DAB1: variants seen among roughly 807,000 people sequenced by gnomAD.
The protein encoded by DAB1 is DAB adaptor protein 1, also known as disabled homolog 1.
A neutral mutation model predicts 64.6 loss-of-function variants in DAB1; 15 were observed. The observed-to-expected ratio is 0.23, with a 90% CI of 0.16 to 0.36. DAB1 has a LOEUF of 0.36. Among genes scored for constraint, DAB1 ranks in the 10% least tolerant of loss-of-function variants. The pLI is 1.00. For missense variants in DAB1, 596 were observed against 706.7 expected (o/e 0.84, Z 1.78); for synonymous variants, 235 against 251.9 (o/e 0.93, Z 0.64).
chr1:57,777,541 T>C (rs947369433), intron 6 of DAB1, among the ~76,000 whole-genome samples: 1 of 151,978 alleles, frequency 6.6e-6, no homozygotes. Context: ...TCTTTTCTTT[T>C]GCAGTTTTTA....
At chr1:57,000,169 G>A (rs532375674) in intron 14 of DAB1, among the ~76,000 whole-genome samples, 34 of 149,954 alleles carry the variant, frequency 2.3e-4, no homozygotes, top group Non-Finnish European at 3.8e-4. Flanking sequence ...TCAGCCTCCC[G>A]TGTAGCTGGG....
Position 57,545,469 on chromosome 1 carries a change from T to G in DAB1, n.625+104123A>C, listed in dbSNP as rs185519431. 4.6e-5 allele frequency among the ~76,000 whole-genome samples: 7 copies of G among 152,308 alleles called. No homozygotes were observed. In the East Asian group the frequency reaches 1.4e-3, roughly 29 times the overall value. ...GGCTTTCTGGTCTTAGTACTAGAAG[T>G]TCCATGTGCTGGGAACTTCCCTCAG... On this transcript the variant is annotated intron_variant and non_coding_transcript_variant, in intron 7 of 20. Transcript: ENST00000485760.
At chr1:58,517,126 G>C (rs561960769) in intron 2 of DAB1, among the ~76,000 whole-genome samples, 1 of 152,296 alleles carries the variant, frequency 6.6e-6, no homozygotes, top group East Asian at 1.9e-4. Context: ...ATTCTCACTA[G>C]TCAGACTACA....
intron 6 of DAB1, among the ~76,000 whole-genome samples, chr1:57,705,579 G>C (rs183202760): frequency 6.6e-6 from 1 of 151,824 alleles, no homozygotes; most frequent in African/African-American, 2.4e-5. Context: ...CTTTTAATAA[G>C]AATATTTGAC....
At chr1:57,189,862 A>C (rs1663963448) in intron 2 of DAB1, among the ~76,000 whole-genome samples, 3 of 148,470 alleles carry the variant, frequency 2.0e-5, no homozygotes. Flanking sequence ...AAAAAAAAAC[A>C]CAACAGAAAA....
chr1:58,147,387 G>C (rs1190766974), intron 5 of DAB1, among the ~76,000 whole-genome samples: 1 of 150,266 alleles, frequency 6.7e-6, no homozygotes, highest in East Asian at 2.0e-4. Flanking sequence ...GGGAGGCCGA[G>C]GCAGGCGGAT....
At chr1:58,027,155 C>A (rs1646906567) in intron 5 of DAB1, among the ~76,000 whole-genome samples, 1 of 152,154 alleles carries the variant, frequency 6.6e-6, no homozygotes, top group South Asian at 2.1e-4. Flanking sequence ...ATGTCTATGA[C>A]AAAGACAGTC....
intron 4 of DAB1, among the ~76,000 whole-genome samples, chr1:58,184,393 A>C (rs1656965618): frequency 6.6e-6 from 1 of 151,688 alleles, no homozygotes; most frequent in South Asian, 2.1e-4. Context: ...CCTAATACCT[A>C]GGACAATAAC....
chr1:58,469,321 C>A (rs1645331127), intron 3 of DAB1, among the ~76,000 whole-genome samples: 1 of 152,024 alleles, frequency 6.6e-6, no homozygotes, highest in Non-Finnish European at 1.5e-5. Flanking sequence ...ATGAGGATAA[C>A]CAGACCTATC....
chr1:57,071,295 G>C, intron 6 of DAB1: 2 of 669,158 alleles, frequency 3.0e-6, no homozygotes, highest in Non-Finnish European at 4.9e-6. Context: ...CTCCACCCCT[G>C]AAATCTTTCT....
At chr1:57,969,801 T>C (rs947442781) in intron 5 of DAB1, among the ~76,000 whole-genome samples, 1 of 152,162 alleles carries the variant, frequency 6.6e-6, no homozygotes, top group Admixed American at 6.6e-5. Flanking sequence ...TGTTAGGTTC[T>C]AGTTAAATGG....
At chr1:57,480,061 AGAATGGCGT>A (rs1192880731) in intron 7 of DAB1, among the ~76,000 whole-genome samples, 1 of 151,206 alleles carries the variant, frequency 6.6e-6, no homozygotes, top group Non-Finnish European at 1.5e-5. Flanking sequence ...CTGAGGCAGG[AGAATGGCGT>A]GAACCCGGGA....
intron 5 of DAB1, among the ~76,000 whole-genome samples, chr1:58,044,650 T>G (rs1647200284): frequency 6.6e-6 from 1 of 152,154 alleles, no homozygotes; most frequent in Non-Finnish European, 1.5e-5. Flanking sequence ...TGGTTAAGGT[T>G]ACAAAGGTTG....
intron 7 of DAB1, among the ~76,000 whole-genome samples, chr1:57,488,716 A>C (rs935823473): frequency 3.9e-5 from 6 of 151,952 alleles, no homozygotes; most frequent in African/African-American, 1.4e-4. Flanking sequence ...AAAAATAAAA[A>C]TTATATAGGT....
chr1:57,512,286 G>T (rs895909997), intron 7 of DAB1, among the ~76,000 whole-genome samples: 1 of 152,122 alleles, frequency 6.6e-6, no homozygotes, highest in African/African-American at 2.4e-5. Context: ...CCAGGATCTA[G>T]CATCCTACTA....
intron 4 of DAB1, among the ~76,000 whole-genome samples, chr1:57,107,512 G>A (rs148679822): frequency 7.9e-4 from 120 of 152,122 alleles, no homozygotes; most frequent in African/African-American, 2.8e-3. Context: ...TAGAATTAAA[G>A]AGGAGGAGCC....
chr1:57,843,370 T>C (rs1653139291), intron 1 of DAB1, among the ~76,000 whole-genome samples: 1 of 152,200 alleles, frequency 6.6e-6, no homozygotes, highest in Non-Finnish European at 1.5e-5. Flanking sequence ...TCTTTGGTTA[T>C]TATCTAGTTG....
chr1:57,530,815 A>G (rs1644653924), intron 7 of DAB1, among the ~76,000 whole-genome samples: 1 of 152,184 alleles, frequency 6.6e-6, no homozygotes, highest in Non-Finnish European at 1.5e-5. Flanking sequence ...CAATTAAATG[A>G]TACAGGAAGG....
chr1:58,100,954 G>A (rs1222931778), intron 5 of DAB1, among the ~76,000 whole-genome samples: 1 of 152,166 alleles, frequency 6.6e-6, no homozygotes, highest in South Asian at 2.1e-4. Flanking sequence ...GGAAATGAGA[G>A]ATCAGAGGAA....
Sources: allele counts gnomAD v4.1 joint callset (sites outside exome capture counted in the v4.1 genomes callset), GRCh38; gene constraint gnomAD v4.1.1; transcripts MANE v1.5; gene names NCBI Gene and HGNC (gene_info 2026-07-23, HGNC 2026-07-21).